The following CLIC5 variants were observed in gnomAD, a reference collection of about 807,000 sequenced individuals.
CLIC5 encodes CLIC family member 5.
CLIC5 carries 20 observed loss-of-function variants against 24.7 expected under a neutral mutation model. The observed-to-expected ratio is 0.81, with a 90% CI of 0.57 to 1.18. The LOEUF (loss-of-function observed/expected upper bound fraction) is 1.18, where lower values mean the gene tolerates loss of function less well. Among genes scored for constraint, CLIC5 ranks in the 50% most tolerant of loss-of-function variants. The pLI is 0.00. For synonymous variants in CLIC5, 159 were observed against 135.6 expected, an observed-to-expected ratio of 1.17 and a Z score of -1.20; for missense variants, 341 against 326.1, an observed-to-expected ratio of 1.05 and a Z score of -0.35.
At chr6:46,089,434 C>T in the CLIC5 span, among the ~76,000 whole-genome samples, 5 of 151,928 alleles carry the variant, frequency 3.3e-5, no homozygotes, top group Admixed American at 6.6e-5. Flanking sequence ...ATTCTAGAAC[C>T]CTATGCAATA....
chr6:45,913,514 C>T (rs1762896553), intron 5 of CLIC5, among the ~76,000 whole-genome samples: 1 of 152,176 alleles, frequency 6.6e-6, no homozygotes, highest in Admixed American at 6.5e-5. Context: ...CAGAGGGCTC[C>T]TCGTTCTCAG....
At chr6:46,052,612 T>C (rs1217982195) in intron 1 of CLIC5, among the ~76,000 whole-genome samples, 1 of 152,160 alleles carries the variant, frequency 6.6e-6, no homozygotes, top group African/African-American at 2.4e-5. Context: ...AGTTGGCCCA[T>C]CCCACAGTGG....
rs773706517 is a variant in CLIC5, at chr6:45,939,818, GT to G, written c.406+1728del. On this transcript the variant is annotated intron_variant, in intron 4 of 5. Coordinates refer to ENST00000339561, the MANE Select transcript of CLIC5 (RefSeq NM_016929.5). ...ACCTTGCTCAGCTAATTAAAAACAA[GT>G]TTTTTTTTTTTTTGTAAAGACAGGG... Among the ~76,000 whole-genome samples, 217 of 143,328 alleles carry G rather than the reference GT, an allele frequency of 1.5e-3. 1 individual carries two copies. Among genetic ancestry groups the G allele is most frequent in the East Asian group, 5.5e-3 (27 of 4,900 alleles). The allele number at this position is 143,328 out of a possible 152,430, so 94.0% of individuals were successfully genotyped here. A position where few individuals can be genotyped will look rare whatever the true frequency, so the allele number is the denominator to read the frequency against.
chr6:45,922,823 A>AAGAGAGAGAGAGAGAGAG (rs547902327), intron 4 of CLIC5, among the ~76,000 whole-genome samples: 1,828 of 140,418 alleles, frequency 0.013, 61 homozygotes, highest in African/African-American at 0.016. Flanking sequence ...GAGAGAGAGA[A>AAGAGAGAGAGAGAGAGAG]AGAGAGAGAG....
At chr6:46,108,002 C>A in the CLIC5 span, among the ~76,000 whole-genome samples, 3 of 130,230 alleles carry the variant, frequency 2.3e-5, no homozygotes, top group Admixed American at 9.0e-5. Flanking sequence ...CCATTGCACT[C>A]CAGCCAGGGC....
At chr6:45,926,873 C>T (rs1763520042) in intron 4 of CLIC5, among the ~76,000 whole-genome samples, 1 of 152,178 alleles carries the variant, frequency 6.6e-6, no homozygotes, top group Non-Finnish European at 1.5e-5. Context: ...GATTATTCAC[C>T]ATGAAGCTTG....
the CLIC5 span, among the ~76,000 whole-genome samples, chr6:46,104,886 A>G: frequency 8.0e-4 from 122 of 152,302 alleles, 1 homozygote; most frequent in Middle Eastern, 6.8e-3. Context: ...AGGATTCACA[A>G]TGAAGTCTAG....
At chr6:45,939,253 G>T (rs7756325) in intron 4 of CLIC5, among the ~76,000 whole-genome samples, 2 of 132,090 alleles carry the variant, frequency 1.5e-5, no homozygotes, top group Admixed American at 8.6e-5. Flanking sequence ...TTGGAGTGTC[G>T]CTCTGTTGCC....
At chr6:45,977,670 C>G (rs1765429977) in intron 1 of CLIC5, among the ~76,000 whole-genome samples, 2 of 152,110 alleles carry the variant, frequency 1.3e-5, no homozygotes, top group Non-Finnish European at 1.5e-5. Flanking sequence ...AACAGCTTGC[C>G]CACCTCCTCT....
the CLIC5 span, among the ~76,000 whole-genome samples, chr6:46,107,904 G>A: frequency 2.1e-4 from 32 of 151,902 alleles, no homozygotes; most frequent in Middle Eastern, 3.4e-3. Context: ...GCGTGGTGGC[G>A]CATGCCTGTA....
intron 4 of CLIC5, among the ~76,000 whole-genome samples, chr6:45,933,943 T>G (rs1763839523): frequency 6.6e-6 from 1 of 151,900 alleles, no homozygotes; most frequent in Non-Finnish European, 1.5e-5. Context: ...CAGCAGGAAG[T>G]CAGCAGGGCC....
intron 1 of CLIC5, among the ~76,000 whole-genome samples, chr6:46,062,159 T>G (rs1279209634): frequency 6.6e-6 from 1 of 152,238 alleles, no homozygotes; most frequent in Non-Finnish European, 1.5e-5. Context: ...TTTTGAATAG[T>G]GCAGTTCTAG....
chr6:46,084,508 T>G (rs565229537), upstream of CLIC5, among the ~76,000 whole-genome samples: 23 of 152,270 alleles, frequency 1.5e-4, no homozygotes, highest in African/African-American at 2.9e-4. Flanking sequence ...GTCTGTAAAG[T>G]ATTTTATTTC....
intron 1 of CLIC5, among the ~76,000 whole-genome samples, chr6:46,030,044 C>T (rs1434020318): frequency 6.6e-6 from 1 of 152,146 alleles, no homozygotes; most frequent in Non-Finnish European, 1.5e-5. Context: ...CCAGTCCCCT[C>T]CTGAATTCAT....
chr6:46,066,928 C>T (rs1215628934), intron 1 of CLIC5, among the ~76,000 whole-genome samples: 4 of 152,084 alleles, frequency 2.6e-5, no homozygotes, highest in African/African-American at 4.8e-5. Context: ...TTGTGGAGAG[C>T]TCAGTACTCC....
At chr6:45,985,460 A>T (rs1028473829) in intron 1 of CLIC5, among the ~76,000 whole-genome samples, 1 of 152,114 alleles carries the variant, frequency 6.6e-6, no homozygotes, top group South Asian at 2.1e-4. Flanking sequence ...TCATCCCCAA[A>T]ACACTGTGTT....
the CLIC5 span, among the ~76,000 whole-genome samples, chr6:46,091,194 T>C: frequency 3.3e-5 from 5 of 152,218 alleles, no homozygotes; most frequent in African/African-American, 1.2e-4. Flanking sequence ...AATATGTCTC[T>C]TGAACTTATC....
At chr6:45,913,647 T>G in intron 5 of CLIC5, 2 of 517,562 alleles carry the variant, frequency 3.9e-6, no homozygotes, top group South Asian at 1.1e-4. Context: ...TTCCCAGGGT[T>G]TGTTATATAG....
chr6:46,121,940 A>G, the CLIC5 span, among the ~76,000 whole-genome samples: 3 of 152,202 alleles, frequency 2.0e-5, no homozygotes, highest in Non-Finnish European at 4.4e-5. Context: ...GCAAGTCCTT[A>G]CAGACCTAAA....
Sources: gnomAD v4.1 joint callset for allele counts (sites outside exome capture counted in the v4.1 genomes callset) on GRCh38, gnomAD v4.1.1 for gene constraint, MANE v1.5 for transcripts, NCBI Gene and HGNC (gene_info 2026-07-23, HGNC 2026-07-21) for gene names.